MAD1L1: variants seen among roughly 807,000 people sequenced by gnomAD.
MAD1L1 encodes the protein mitotic arrest deficient 1 like 1.
MAD1L1 carries 95 observed loss-of-function variants against 96.9 expected under a neutral mutation model. The observed-to-expected ratio is 0.98, with a 90% CI of 0.83 to 1.16. MAD1L1 has a LOEUF of 1.16. MAD1L1 is among the 50% of genes most tolerant of loss of function. MAD1L1 has a pLI of 0.00. For missense variants in MAD1L1, 1,007 were observed against 954.4 expected (o/e 1.06, Z -0.73); for synonymous variants, 473 against 396.6 (o/e 1.19, Z -2.29).
chr7:1,824,051 G>C (rs1470528245), intron 18 of MAD1L1, among the ~76,000 whole-genome samples: 1 of 152,168 alleles, frequency 6.6e-6, no homozygotes. Context: ...GTGTCCTGCA[G>C]CTGGGTCCTG....
At chr7:1,907,227 C>T (rs574181429) in intron 17 of MAD1L1, among the ~76,000 whole-genome samples, 21 of 152,360 alleles carry the variant, frequency 1.4e-4, no homozygotes, top group African/African-American at 5.1e-4. Context: ...CCCCCAGCTC[C>T]TGCCCGACCT....
intron 12 of MAD1L1, among the ~76,000 whole-genome samples, chr7:2,024,634 A>C (rs1247288884): frequency 1.3e-5 from 2 of 152,304 alleles, no homozygotes; most frequent in Non-Finnish European, 2.9e-5. Context: ...AAACGCTTCA[A>C]ATGATCACTC....
chr7:2,011,646 G>A (rs1011447160), intron 13 of MAD1L1, among the ~76,000 whole-genome samples: 1 of 152,188 alleles, frequency 6.6e-6, no homozygotes, highest in Non-Finnish European at 1.5e-5. Flanking sequence ...TGACGCGGAG[G>A]TGCCCCCTCT....
chr7:1,995,549 C>T (rs1268311388), intron 14 of MAD1L1, among the ~76,000 whole-genome samples: 2 of 152,114 alleles, frequency 1.3e-5, no homozygotes, highest in African/African-American at 4.8e-5. Context: ...GCAGGAGCCC[C>T]AGGCGGGGGG....
chr7:1,939,344 A>G (rs988083671), intron 16 of MAD1L1, among the ~76,000 whole-genome samples: 3 of 149,984 alleles, frequency 2.0e-5, no homozygotes, highest in African/African-American at 7.4e-5. Context: ...CACACAGGCC[A>G]GGGCTGGAGC....
chr7:1,840,340 T>G (rs778324728), intron 18 of MAD1L1, among the ~76,000 whole-genome samples: 6 of 152,352 alleles, frequency 3.9e-5, no homozygotes, highest in Middle Eastern at 3.4e-3. Context: ...CTTCCTTGAC[T>G]GCAGTGCGCC....
chr7:1,881,272 C>T (rs1785665179), intron 18 of MAD1L1, among the ~76,000 whole-genome samples: 1 of 152,054 alleles, frequency 6.6e-6, no homozygotes, highest in African/African-American at 2.4e-5. Context: ...GCCTAGTGTT[C>T]CATTATTGGA....
rs562861833 is a variant in MAD1L1, at chr7:2,146,330, C to T, written c.1073+2822G>A. On this transcript the variant is annotated intron_variant, in intron 11 of 18. Coordinates refer to ENST00000265854, the MANE Select transcript of MAD1L1 (RefSeq NM_001013836.2). This position sits in a 1 kb window ranked among gnomAD's most constrained non-coding sequence, Gnocchi z 6.2. ...GCACTGGGCTACGAGGAACAGGGCA[C>T]CGCCTCGAAGAGGGAGCACCGGGCA... Among the ~76,000 whole-genome samples, 20 of 150,972 alleles carry T rather than the reference C, an allele frequency of 1.3e-4. 1 individual carries two copies. The highest frequency in any genetic ancestry group is 3.2e-4 in the African/African-American group (13 of 41,042).
Position 2,079,758 on chromosome 7 carries a change from C to T in MAD1L1, c.1074-10420G>A, listed in dbSNP as rs116631005. The T allele has an allele frequency of 4.4e-3, 2,086 of 470,870 alleles. 28 individuals are homozygous for T. The highest frequency in any genetic ancestry group is 0.038 in the African/African-American group (1,932 of 50,184). The allele number at this position is 470,870 out of a possible 1,614,324, so 29.2% of individuals were successfully genotyped here. On this transcript the variant is annotated intron_variant, in intron 11 of 18. Transcript: ENST00000265854. ...GGTGGGGAGCCCCGGCAAGCACGGC[C>T]GCAGGGAGACCATAAATTCACTTCC...
At chr7:2,057,274 C>T (rs1291651625) in intron 12 of MAD1L1, among the ~76,000 whole-genome samples, 1 of 152,208 alleles carries the variant, frequency 6.6e-6, no homozygotes, top group African/African-American at 2.4e-5. Flanking sequence ...GCCTGTAATC[C>T]CAGCACGTCG....
rs570696037 is a variant in MAD1L1 at position 1,926,563 on chromosome 7, G to A, written c.1807+10124C>T. On this transcript the variant is annotated intron_variant, in intron 17 of 18. Coordinates refer to ENST00000265854, the MANE Select transcript of MAD1L1 (RefSeq NM_001013836.2). ...TCCAGGAATGCAGAGTTGGCTCAAC[G>A]TTGGAAACTTCCCAAAAAAATCACA... Among the ~76,000 whole-genome samples, 25 of 152,232 alleles carry A rather than the reference G, an allele frequency of 1.6e-4. No homozygotes were observed. In the South Asian group the frequency reaches 4.1e-3, roughly 25 times the overall value.
At chr7:1,946,700 G>C (rs553475116) in intron 16 of MAD1L1, among the ~76,000 whole-genome samples, 1 of 152,224 alleles carries the variant, frequency 6.6e-6, no homozygotes. Flanking sequence ...GCAGGTCCCC[G>C]GCCACTTGCA....
At position 2,006,013 on chromosome 7, in the gene MAD1L1, T is replaced by C. The variant is rs528725098; in HGVS notation, c.1360-3892A>G. 1.3e-4 allele frequency among the ~76,000 whole-genome samples: 20 copies of C among 151,996 alleles called. No individual in the cohort carries two copies. The South Asian group carries it at 4.0e-3, about 30-fold the overall frequency. On this transcript the variant is annotated intron_variant, in intron 13 of 18. Coordinates refer to ENST00000265854, the MANE Select transcript of MAD1L1 (RefSeq NM_001013836.2). The stretch of plus-strand genomic sequence containing the variant: ...AGTGTGAAATGGAGAGCACGCTCCA[T>C]GGGCATGGAGATGGGGGAGCGGCAG...
intron 12 of MAD1L1, among the ~76,000 whole-genome samples, chr7:2,046,725 C>T (rs1783938351): frequency 1.3e-5 from 2 of 152,214 alleles, no homozygotes; most frequent in South Asian, 2.1e-4. Context: ...CAAGGGGCCA[C>T]ATTCAACCAA....
At chr7:2,090,452 C>G (rs1234778013) in intron 11 of MAD1L1, among the ~76,000 whole-genome samples, 1 of 152,190 alleles carries the variant, frequency 6.6e-6, no homozygotes, top group African/African-American at 2.4e-5. Flanking sequence ...ACAGTGAGTT[C>G]CCAGGAACCC....
chr7:2,158,105 T>G (rs1789928446), intron 10 of MAD1L1, among the ~76,000 whole-genome samples: 1 of 152,238 alleles, frequency 6.6e-6, no homozygotes, highest in African/African-American at 2.4e-5. Context: ...CGAAGCCTTT[T>G]AAATTCTAAC....
Position 1,846,985 on chromosome 7 carries a change from G to A in MAD1L1, c.1999-30757C>T, listed in dbSNP as rs994762125. 9 of 324,764 alleles carry A rather than the reference G, an allele frequency of 2.8e-5. No homozygotes were observed. The East Asian group carries it at 3.7e-4, about 13-fold the overall frequency. The allele number at this position is 324,764 out of a possible 1,614,324, so 20.1% of individuals were successfully genotyped here. ...ACGGTCGCCTCCTGCTGATGGCTCCGCGTTTTCATTGACCACATTCATTAC... is the reference window on the plus strand; with the variant it reads ...ACGGTCGCCTCCTGCTGATGGCTCCACGTTTTCATTGACCACATTCATTAC... On this transcript the variant is annotated intron_variant, in intron 18 of 18. Coordinates refer to ENST00000265854, the MANE Select transcript of MAD1L1 (RefSeq NM_001013836.2).
intron 18 of MAD1L1, among the ~76,000 whole-genome samples, chr7:1,880,838 G>A (rs1053581596): frequency 2.6e-5 from 4 of 152,194 alleles, no homozygotes; most frequent in Admixed American, 1.3e-4. Context: ...ACTGAGAGAC[G>A]GTGAGCTGGG....
In MAD1L1 at chr7:2,114,615, C is replaced by A. The variant is rs533579903; in HGVS notation, c.1073+34537G>T. On this transcript the variant is annotated intron_variant, in intron 11 of 18. Transcript: ENST00000265854. The surrounding 1 kb of genome is among the most constrained non-coding windows in gnomAD (Gnocchi z 4.2). ...TGAACGGTGGTTTCTTAACAGGGTC[C>A]AACAACTACAGCCTGTGGCCAAATC... is the stretch of plus-strand genomic sequence containing the variant. 1.3e-5 allele frequency among the ~76,000 whole-genome samples: 2 copies of A among 152,348 alleles called. No homozygotes were observed. The highest frequency in any genetic ancestry group is 2.4e-5 in the African/African-American group (1 of 41,572).
Sources: allele counts gnomAD v4.1 joint callset (sites outside exome capture counted in the v4.1 genomes callset), GRCh38; gene constraint gnomAD v4.1.1; non-coding constraint Gnocchi (gnomAD v3.1); transcripts MANE v1.5; gene names NCBI Gene and HGNC (gene_info 2026-07-23, HGNC 2026-07-21).